Variants in GALNT1 observed in about 807,000 individuals in gnomAD.
GALNT1 encodes the protein GalNAc transferase 1.
GALNT1 carries 17 observed loss-of-function variants against 65.7 expected under a neutral mutation model. That is an observed-to-expected ratio of 0.26 (90% CI 0.18 to 0.39). GALNT1 has a LOEUF of 0.39. Among genes scored for constraint, GALNT1 ranks in the 10% least tolerant of loss-of-function variants. The pLI, the probability that GALNT1 is intolerant of heterozygous loss-of-function variation, is 1.00. For synonymous variants in GALNT1, 210 were observed against 219.7 expected (o/e 0.96, Z 0.39); for missense variants, 460 against 672.8 (o/e 0.68, Z 3.50).
At chr18:35,694,654 A>G (rs1304339742) in intron 9 of GALNT1, among the ~76,000 whole-genome samples, 1 of 152,238 alleles carries the variant, frequency 6.6e-6, no homozygotes, top group Non-Finnish European at 1.5e-5. Flanking sequence ...CACTATTCAC[A>G]ATAGCCAAGA....
Position 35,587,801 on chromosome 18 carries a change from C to T in GALNT1, c.-104+5939C>T, listed in dbSNP as rs557317931. 1.3e-4 allele frequency among the ~76,000 whole-genome samples: 20 copies of T among 152,250 alleles called. No homozygotes were observed. In the South Asian group the frequency reaches 3.7e-3, roughly 28 times the overall value. On this transcript the variant is annotated intron_variant, in intron 1 of 11. Coordinates refer to ENST00000269195, the MANE Select transcript of GALNT1 (RefSeq NM_020474.4). ...TTCATGGGGGCATTTAGCAATGTTT[C>T]CCTCTCAGCACTGTTTTCTCTGTGT...
intron 9 of GALNT1, among the ~76,000 whole-genome samples, chr18:35,699,213 G>T (rs1010459584): frequency 1.3e-5 from 2 of 152,032 alleles, no homozygotes; most frequent in African/African-American, 4.8e-5. Flanking sequence ...TAATTCATAG[G>T]GATGTATCAT....
intron 1 of GALNT1, among the ~76,000 whole-genome samples, chr18:35,636,058 G>A (rs1016709268): frequency 1.6e-4 from 25 of 151,852 alleles, no homozygotes; most frequent in Admixed American, 1.6e-3. Context: ...AATCTTTGCC[G>A]CTTTATTTAT....
chr18:35,645,810 G>C (rs1253017513), intron 1 of GALNT1, among the ~76,000 whole-genome samples: 1 of 152,074 alleles, frequency 6.6e-6, no homozygotes, highest in East Asian at 1.9e-4. Context: ...TTTAACTGAA[G>C]CTTCATCATT....
At chr18:35,664,461 A>G (rs1363679799) in intron 3 of GALNT1, 2 of 152,156 alleles carry the variant, frequency 1.3e-5, no homozygotes, top group African/African-American at 4.8e-5. Flanking sequence ...ACATTGATAG[A>G]CCTTTGGATT....
At chr18:35,699,384 G>A (rs2048117745) in intron 9 of GALNT1, among the ~76,000 whole-genome samples, 1 of 152,154 alleles carries the variant, frequency 6.6e-6, no homozygotes, top group Non-Finnish European at 1.5e-5. Flanking sequence ...TGATAATTTA[G>A]AATCTCAGTT....
At chr18:35,703,764 C>T in intron 11 of GALNT1, 121 bp downstream of exon 11, 1 of 897,808 alleles carries the variant, frequency 1.1e-6, no homozygotes, top group Non-Finnish European at 1.6e-6. Flanking sequence ...TTGTCTTATA[C>T]ACTAAATATT....
At chr18:35,668,604 C>T (rs1297532558) in intron 3 of GALNT1, among the ~76,000 whole-genome samples, 1 of 152,038 alleles carries the variant, frequency 6.6e-6, no homozygotes, top group Non-Finnish European at 1.5e-5. Flanking sequence ...ATAGTAGTTG[C>T]CAGGGTCCGG....
intron 7 of GALNT1, among the ~76,000 whole-genome samples, chr18:35,690,347 G>A (rs1017537560): frequency 3.3e-5 from 5 of 152,070 alleles, no homozygotes; most frequent in Non-Finnish European, 5.9e-5. Context: ...TTTGGAGAGG[G>A]GTGAACAGAT....
intron 1 of GALNT1, among the ~76,000 whole-genome samples, chr18:35,614,704 C>A (rs963037596): frequency 6.6e-6 from 1 of 151,874 alleles, no homozygotes; most frequent in Non-Finnish European, 1.5e-5. Flanking sequence ...TATTAAGTTG[C>A]GAATATATGA....
At position 35,654,785 on chromosome 18, in the gene GALNT1, A is replaced by T; in HGVS notation, c.123A>T (p.Gly41=). ...AATGTGATGAAAAAAAGGAGAGAGG[A>T]CTTCCTGCTGGAGATGGTGAGTGAC... ...CNKCDEKKER[G]LPAGDVLEPV... Residue 41 remains glycine, a synonymous_variant, in exon 2 of 12, where the codon GGA becomes GGT. Transcript: ENST00000269195. The T allele has an allele frequency of 2.6e-6, 4 of 1,554,220 alleles. No homozygotes were observed. Among genetic ancestry groups the T allele is most frequent in the Non-Finnish European group, 3.5e-6 (4 of 1,146,960 alleles).
chr18:35,648,431 CTTAAGATGTT>C (rs1568023579), intron 1 of GALNT1, among the ~76,000 whole-genome samples: 4 of 152,180 alleles, frequency 2.6e-5, no homozygotes. Context: ...CGACTTTCGA[CTTAAGATGTT>C]TTCAACTTAT....
chr18:35,616,853 C>A (rs1276611415), intron 1 of GALNT1, among the ~76,000 whole-genome samples: 2 of 152,092 alleles, frequency 1.3e-5, no homozygotes, highest in Non-Finnish European at 2.9e-5. Context: ...ACCCCTCAAA[C>A]TTCTGACTCT....
intron 4 of GALNT1, among the ~76,000 whole-genome samples, chr18:35,682,376 C>A (rs2047798688): frequency 6.6e-6 from 1 of 151,816 alleles, no homozygotes; most frequent in Non-Finnish European, 1.5e-5. Flanking sequence ...TGGATCTCTA[C>A]TTTTAGTATT....
chr18:35,649,690 A>G (rs1437594914), intron 1 of GALNT1, among the ~76,000 whole-genome samples: 1 of 151,988 alleles, frequency 6.6e-6, no homozygotes, highest in African/African-American at 2.4e-5. Flanking sequence ...GTCTCAAAAG[A>G]TTTTATTCTG....
At chr18:35,602,822 C>T (rs1159913627) in intron 1 of GALNT1, among the ~76,000 whole-genome samples, 1 of 152,134 alleles carries the variant, frequency 6.6e-6, no homozygotes, top group Non-Finnish European at 1.5e-5. Context: ...GATCTGAGAG[C>T]TCGCACATTG....
At chr18:35,625,732 T>A (rs754917859) in intron 1 of GALNT1, among the ~76,000 whole-genome samples, 21 of 152,276 alleles carry the variant, frequency 1.4e-4, no homozygotes, top group Non-Finnish European at 2.5e-4. Context: ...ATCCTTTACT[T>A]CCCAGAAACT....
intron 1 of GALNT1, among the ~76,000 whole-genome samples, chr18:35,625,630 G>A (rs1283054698): frequency 6.6e-6 from 1 of 152,160 alleles, no homozygotes; most frequent in African/African-American, 2.4e-5. Flanking sequence ...GGTTGGTGTT[G>A]TAGCAAAAAC....
At chr18:35,603,312 A>G (rs915547886) in intron 1 of GALNT1, among the ~76,000 whole-genome samples, 1 of 152,014 alleles carries the variant, frequency 6.6e-6, no homozygotes, top group Non-Finnish European at 1.5e-5. Flanking sequence ...TGGGAGGGGT[A>G]TTGTGGAGAG....
Sources: gnomAD v4.1 joint callset for allele counts (sites outside exome capture counted in the v4.1 genomes callset) on GRCh38, gnomAD v4.1.1 for gene constraint, MANE v1.5 for transcripts, NCBI Gene and HGNC (gene_info 2026-07-23, HGNC 2026-07-21) for gene names.